The following SOX5 variants were observed in gnomAD, a reference collection of about 807,000 sequenced individuals.
SOX5 encodes the protein transcription factor SOX-5.
SOX5 carries 9 observed loss-of-function variants against 92.0 expected under a neutral mutation model. That is an observed-to-expected ratio of 0.10 (90% CI 0.06 to 0.17). SOX5 has a LOEUF of 0.17. SOX5 is among the 10% of genes least tolerant of loss of function. SOX5 has a pLI of 1.00. For missense variants in SOX5, 642 were observed against 944.5 expected, an observed-to-expected ratio of 0.68 and a Z score of 4.20; for synonymous variants, 344 against 336.3, an observed-to-expected ratio of 1.02 and a Z score of -0.25.
At chr12:23,701,171 A>G (rs1230109846) in intron 6 of SOX5, among the ~76,000 whole-genome samples, 1 of 151,956 alleles carries the variant, frequency 6.6e-6, no homozygotes, top group Non-Finnish European at 1.5e-5. Flanking sequence ...TACTGCAATT[A>G]TTAATTTTAT....
In SOX5 at chr12:24,331,848, C is replaced by CAAAAAAAAAA. The variant is rs10627494; in HGVS notation, c.-174+36705_-174+36714dup. On this transcript the variant is annotated intron_variant, in intron 2 of 4. Coordinates refer to the SOX5 transcript ENST00000446891. The stretch of plus-strand genomic sequence containing the variant: ...GCCTGGGAACAGAGCAAGACTGTCT[C>CAAAAAAAAAA]AAAAAAAAAAAAAAAAAAAAAAAAA... Among the ~76,000 whole-genome samples the CAAAAAAAAAA allele has an allele frequency of 6.9e-4, 22 of 31,658 alleles. 1 individual carries two copies. The highest frequency in any genetic ancestry group is 8.9e-4 in the Non-Finnish European group (17 of 19,204). 20.8% of individuals were successfully genotyped at this position (31,658 alleles called of 152,430 possible). A position where few individuals can be genotyped will look rare whatever the true frequency, so the allele number is the denominator to read the frequency against.
intron 5 of SOX5, among the ~76,000 whole-genome samples, chr12:23,735,745 A>G (rs992858669): frequency 1.3e-5 from 2 of 152,162 alleles, no homozygotes; most frequent in African/African-American, 4.8e-5. Flanking sequence ...CATCTTAAGT[A>G]TTTCCTAACT....
At chr12:24,067,442 T>C (rs1316719666) in intron 4 of SOX5, among the ~76,000 whole-genome samples, 1 of 152,158 alleles carries the variant, frequency 6.6e-6, no homozygotes, top group Non-Finnish European at 1.5e-5. Flanking sequence ...TTCAACTTTA[T>C]ATTAAGTTAA....
At chr12:24,092,646 G>C (rs12322120) in intron 4 of SOX5, among the ~76,000 whole-genome samples, 2 of 152,134 alleles carry the variant, frequency 1.3e-5, no homozygotes, top group African/African-American at 4.8e-5. Flanking sequence ...CCTCAATTAA[G>C]GACCTTCATC....
At chr12:24,357,437 C>A (rs1344720837) in intron 2 of SOX5, 1 of 152,150 alleles carries the variant, frequency 6.6e-6, no homozygotes. Flanking sequence ...ATGAAGACGC[C>A]ATCATCACAA....
intron 2 of SOX5, among the ~76,000 whole-genome samples, chr12:24,365,885 C>T (rs1196493547): frequency 6.6e-6 from 1 of 151,970 alleles, no homozygotes; most frequent in Non-Finnish European, 1.5e-5. Context: ...ACCCCCAAGG[C>T]TGAACCACTC....
At chr12:24,499,931 A>C (rs1948032506) in intron 1 of SOX5, among the ~76,000 whole-genome samples, 1 of 152,156 alleles carries the variant, frequency 6.6e-6, no homozygotes, top group Non-Finnish European at 1.5e-5. Flanking sequence ...CAAAATAAAC[A>C]CAGATTTTAT....
chr12:23,640,920 C>A (rs747423226), intron 7 of SOX5, 23 bp from the exon 8 acceptor site: 2 of 1,511,762 alleles, frequency 1.3e-6, no homozygotes, highest in East Asian at 2.3e-5. Context: ...ATAATAGAGG[C>A]GTCAGCACCT....
At chr12:23,916,304 A>G (rs141933568) in intron 1 of SOX5, among the ~76,000 whole-genome samples, 188 of 152,316 alleles carry the variant, frequency 1.2e-3, no homozygotes, top group African/African-American at 4.4e-3. Flanking sequence ...ATCCAAGAGA[A>G]AACAATTGAA....
At chr12:24,311,247 C>T (rs1338451664) in intron 2 of SOX5, among the ~76,000 whole-genome samples, 5 of 152,166 alleles carry the variant, frequency 3.3e-5, no homozygotes, top group Non-Finnish European at 7.3e-5. Flanking sequence ...TTCTATTGTC[C>T]AATCATGTTT....
At chr12:23,623,695 C>G (rs2077438200) in intron 8 of SOX5, among the ~76,000 whole-genome samples, 1 of 151,984 alleles carries the variant, frequency 6.6e-6, no homozygotes, top group Non-Finnish European at 1.5e-5. Context: ...AATAAACATA[C>G]AAAAATATAC....
chr12:23,979,091 C>T (rs1949228061), intron 4 of SOX5, among the ~76,000 whole-genome samples: 1 of 152,088 alleles, frequency 6.6e-6, no homozygotes, highest in Non-Finnish European at 1.5e-5. Context: ...TCCTCACTTA[C>T]CTCAAACAAC....
intron 2 of SOX5, among the ~76,000 whole-genome samples, chr12:24,355,282 CTTTTTTTTTTTTTTTTTTTTTTTTTTT>C (rs768157437): frequency 5.6e-5 from 4 of 71,920 alleles, no homozygotes; most frequent in South Asian, 7.2e-4. Flanking sequence ...AGGGGTGCAT[CTTTTTTTTTTTTTTTTTTTTTTTTTTT>C]TTTTTTTTTT....
intron 4 of SOX5, among the ~76,000 whole-genome samples, chr12:24,097,529 C>T (rs1241966296): frequency 6.6e-6 from 1 of 150,586 alleles, no homozygotes; most frequent in Non-Finnish European, 1.5e-5. Context: ...TTATTTGCTC[C>T]ATTTGAAGTT....
chr12:24,439,642 C>T (rs542236599), intron 1 of SOX5, among the ~76,000 whole-genome samples: 1 of 152,288 alleles, frequency 6.6e-6, no homozygotes, highest in Non-Finnish European at 1.5e-5. Context: ...CGACTGTAAT[C>T]CCAGCACTTT....
rs181845004 is a variant in SOX5, at chr12:23,875,816, G to C, written c.270+19977C>G. Among the ~76,000 whole-genome samples, 1,405 of 152,246 alleles carry C rather than the reference G, an allele frequency of 9.2e-3. 9 individuals are homozygous for C. The highest frequency in any genetic ancestry group is 0.015 in the Non-Finnish European group (1,033 of 68,004). ...GACCTTTTTGAGAATTTTCATAGAA[G>C]ATTTCCCCTTCAGGCAGTGAGAATA... is the stretch of plus-strand genomic sequence containing the variant. On this transcript the variant is annotated intron_variant, in intron 2 of 14. Coordinates refer to ENST00000451604, the MANE Select transcript of SOX5 (RefSeq NM_006940.6).
intron 4 of SOX5, among the ~76,000 whole-genome samples, chr12:24,087,783 T>C (rs1944186065): frequency 6.6e-6 from 1 of 152,158 alleles, no homozygotes; most frequent in South Asian, 2.1e-4. Flanking sequence ...TTTTTTTGTA[T>C]AGGAAATCTT....
chr12:24,116,506 C>T (rs1948016132), intron 4 of SOX5, among the ~76,000 whole-genome samples: 1 of 152,106 alleles, frequency 6.6e-6, no homozygotes, highest in South Asian at 2.1e-4. Context: ...GGAGTAGTCT[C>T]AGTAATTCTT....
At chr12:23,816,098 T>C (rs2142550367) in intron 3 of SOX5, among the ~76,000 whole-genome samples, 1 of 152,256 alleles carries the variant, frequency 6.6e-6, no homozygotes, top group African/African-American at 2.4e-5. Context: ...TCTTAGTTCA[T>C]AGAACATACA....
Sources: gnomAD v4.1 joint callset for allele counts (sites outside exome capture counted in the v4.1 genomes callset) on GRCh38, gnomAD v4.1.1 for gene constraint, MANE v1.5 for transcripts, NCBI Gene and HGNC (gene_info 2026-07-23, HGNC 2026-07-21) for gene names.